CTNNA2: variants seen among roughly 807,000 people sequenced by gnomAD.
CTNNA2 encodes the protein catenin alpha 2.
CTNNA2 carries 42 observed loss-of-function variants against 101.0 expected under a neutral mutation model. That is an observed-to-expected ratio of 0.42 (90% CI 0.32 to 0.54). The LOEUF (loss-of-function observed/expected upper bound fraction) is 0.54. Among genes scored for constraint, CTNNA2 ranks in the 20% least tolerant of loss-of-function variants. The pLI, the probability that CTNNA2 is intolerant of heterozygous loss-of-function variation, is 0.14. For missense variants in CTNNA2, 871 were observed against 1,223.1 expected (o/e 0.71, Z 4.29); for synonymous variants, 450 against 456.4 (o/e 0.99, Z 0.18).
At chr2:79,468,942 T>C (rs1377646674) in intron 4 of CTNNA2, among the ~76,000 whole-genome samples, 12 of 152,188 alleles carry the variant, frequency 7.9e-5, no homozygotes, top group African/African-American at 1.2e-4. Flanking sequence ...GATCTAAAAT[T>C]GACACCCTAA....
intron 2 of CTNNA2, among the ~76,000 whole-genome samples, chr2:79,677,339 G>C (rs1683254765): frequency 6.6e-6 from 1 of 152,038 alleles, no homozygotes; most frequent in Non-Finnish European, 1.5e-5. Context: ...CCTCCTCAAG[G>C]AATCTGCCAA....
chr2:80,435,196 T>C (rs559438429), intron 9 of CTNNA2, among the ~76,000 whole-genome samples: 1 of 152,310 alleles, frequency 6.6e-6, no homozygotes, highest in African/African-American at 2.4e-5. Flanking sequence ...TTCTCTATAA[T>C]CTTTAAATAA....
intron 6 of CTNNA2, among the ~76,000 whole-genome samples, chr2:79,893,851 C>T (rs1306269784): frequency 6.6e-6 from 1 of 152,092 alleles, no homozygotes. Context: ...CTAACTTTAT[C>T]TGAGGATAAC....
intron 12 of CTNNA2, among the ~76,000 whole-genome samples, chr2:80,556,861 G>T (rs566997719): frequency 6.6e-6 from 1 of 152,142 alleles, no homozygotes; most frequent in Non-Finnish European, 1.5e-5. Flanking sequence ...ACCCTAAGGG[G>T]GACCTTCATA....
At chr2:80,216,819 A>G (rs147764445) in intron 7 of CTNNA2, among the ~76,000 whole-genome samples, 14 of 150,780 alleles carry the variant, frequency 9.3e-5, no homozygotes, top group African/African-American at 3.4e-4. Context: ...CCGGGGCCTG[A>G]CTTAGCCTAA....
intron 9 of CTNNA2, among the ~76,000 whole-genome samples, chr2:80,535,942 A>G (rs979742962): frequency 1.3e-5 from 2 of 152,156 alleles, no homozygotes; most frequent in African/African-American, 4.8e-5. Flanking sequence ...CTCAAGTCCA[A>G]TTTTGATGGT....
At chr2:79,218,401 G>A (rs1433792329) in intron 2 of CTNNA2, among the ~76,000 whole-genome samples, 1 of 149,028 alleles carries the variant, frequency 6.7e-6, no homozygotes, top group African/African-American at 2.5e-5. Flanking sequence ...CAGGCTGGTC[G>A]TGAACTCCTG....
At chr2:79,689,149 C>G (rs7574496) in intron 2 of CTNNA2, among the ~76,000 whole-genome samples, 20,586 of 151,458 alleles carry the variant, frequency 0.14, 1,726 homozygotes, top group East Asian at 0.46. Context: ...TTCCTCACAG[C>G]ATGGGCTTTA....
intron 12 of CTNNA2, among the ~76,000 whole-genome samples, chr2:80,572,092 C>T (rs138636055): frequency 1.4e-3 from 216 of 152,142 alleles, no homozygotes; most frequent in Middle Eastern, 0.01. Flanking sequence ...AAGCACTTGC[C>T]GAAATGATGT....
chr2:80,550,891 T>C (rs1692502683), intron 11 of CTNNA2, among the ~76,000 whole-genome samples: 1 of 152,212 alleles, frequency 6.6e-6, no homozygotes, highest in African/African-American at 2.4e-5. Context: ...TGGATGTTCT[T>C]AGTGGCAACT....
In CTNNA2 at chr2:80,604,132, G is replaced by A; in HGVS notation, c.2248G>A (p.Glu750Lys). Reference sequence around the variant, plus strand: ...CATTAATGCTGCCAAGAAAATTGCCGAAGCAGGTTCTCGAATGGACAAATT... The same window carrying A: ...CATTAATGCTGCCAAGAAAATTGCCAAAGCAGGTTCTCGAATGGACAAATT... ...DVINAAKKIA[E>K]AGSRMDKLAR... The change falls in exon 16 of 19, where the codon GAA becomes AAA. Residue 750 changes from glutamate (E) to lysine (K), a missense_variant. Transcript: ENST00000402739. The A allele has an allele frequency of 3.1e-6, 5 of 1,613,136 alleles. No individual in the cohort carries two copies. Among genetic ancestry groups the A allele is most frequent in the Admixed American group, 1.7e-5 (1 of 59,860 alleles).
chr2:79,724,672 G>T (rs1686704895), intron 2 of CTNNA2, among the ~76,000 whole-genome samples: 4 of 151,848 alleles, frequency 2.6e-5, no homozygotes, highest in Admixed American at 2.6e-4. Flanking sequence ...AAAATTAGCT[G>T]GGTGTGGTCG....
intron 18 of CTNNA2, among the ~76,000 whole-genome samples, chr2:80,646,645 G>T (rs558785198): frequency 6.8e-4 from 103 of 151,918 alleles, no homozygotes; most frequent in African/African-American, 2.0e-3. Flanking sequence ...GATATTGAAT[G>T]ATCTAGTATA....
chr2:79,291,442 C>T (rs1376394801), intron 2 of CTNNA2, among the ~76,000 whole-genome samples: 5 of 152,170 alleles, frequency 3.3e-5, no homozygotes, highest in Non-Finnish European at 5.9e-5. Flanking sequence ...CTGGGCCTAT[C>T]CTGCTGAGGT....
intron 7 of CTNNA2, among the ~76,000 whole-genome samples, chr2:80,384,981 G>A (rs954253076): frequency 6.6e-6 from 1 of 152,084 alleles, no homozygotes; most frequent in Admixed American, 6.6e-5. Context: ...GTAACCCATG[G>A]ATAGAAACTT....
intron 4 of CTNNA2, among the ~76,000 whole-genome samples, chr2:79,377,781 T>G (rs1677994535): frequency 6.6e-6 from 1 of 152,138 alleles, no homozygotes; most frequent in African/African-American, 2.4e-5. Flanking sequence ...CCATAGCACC[T>G]GAAGGGCCTT....
chr2:79,900,408 G>T (rs1000894103), intron 6 of CTNNA2, among the ~76,000 whole-genome samples: 1 of 152,164 alleles, frequency 6.6e-6, no homozygotes, highest in Admixed American at 6.5e-5. Flanking sequence ...ATAACATAAT[G>T]AATAAAATAA....
At chr2:80,556,549 T>C (rs529487150) in intron 12 of CTNNA2, among the ~76,000 whole-genome samples, 2 of 152,234 alleles carry the variant, frequency 1.3e-5, no homozygotes, top group Admixed American at 1.3e-4. Flanking sequence ...TATGGTTACT[T>C]ATGGGAGCTT....
chr2:80,176,408 G>A (rs1053223171), intron 7 of CTNNA2, among the ~76,000 whole-genome samples: 2 of 152,194 alleles, frequency 1.3e-5, no homozygotes, highest in Non-Finnish European at 2.9e-5. Context: ...GCTGAAACAT[G>A]TTCATAACAA....
Sources: gnomAD v4.1 joint callset for allele counts (sites outside exome capture counted in the v4.1 genomes callset) on GRCh38, gnomAD v4.1.1 for gene constraint, MANE v1.5 for transcripts, NCBI Gene and HGNC (gene_info 2026-07-23, HGNC 2026-07-21) for gene names.